Variants in SLC45A1 observed in about 807,000 individuals in gnomAD.
SLC45A1 encodes solute carrier family 45 member 1, also known as proton-associated sugar transporter A.
A neutral mutation model predicts 57.6 loss-of-function variants in SLC45A1; 28 were observed. The ratio of observed to expected loss-of-function variants is 0.49; its 90% CI spans 0.36 to 0.67. The LOEUF (loss-of-function observed/expected upper bound fraction) is 0.67. SLC45A1 is among the 30% of genes least tolerant of loss of function. The pLI is 0.00. For synonymous variants in SLC45A1, 459 were observed against 471.5 expected, an observed-to-expected ratio of 0.97 and a Z score of 0.34; for missense variants, 814 against 1,041.5, an observed-to-expected ratio of 0.78 and a Z score of 3.01.
At chr1:8,318,597 C>T (rs150014407) in intron 1 of SLC45A1, among the ~76,000 whole-genome samples, 67 of 152,340 alleles carry the variant, frequency 4.4e-4, no homozygotes, top group South Asian at 4.1e-4. Flanking sequence ...CGCCCCTCAG[C>T]ATCCCAGGGT....
chr1:8,340,670 C>T (rs1008042022), intron 8 of SLC45A1, among the ~76,000 whole-genome samples: 5 of 152,154 alleles, frequency 3.3e-5, no homozygotes, highest in Non-Finnish European at 7.3e-5. Flanking sequence ...CTCATGGCTT[C>T]CCATCAACCG....
At chr1:8,318,538 T>A (rs985197194) in intron 1 of SLC45A1, among the ~76,000 whole-genome samples, 5 of 152,196 alleles carry the variant, frequency 3.3e-5, no homozygotes, top group Non-Finnish European at 7.3e-5. Context: ...CGCTCCCGGC[T>A]CACCTCTTGC....
chr1:8,325,277 C>G lies in SLC45A1; in HGVS notation c.398-21C>G, dbSNP rs202086457. The G allele has an allele frequency of 2.0e-3, 3,082 of 1,579,252 alleles. 10 individuals are homozygous for G. Among genetic ancestry groups the G allele is most frequent in the Non-Finnish European group, 2.5e-3 (2,831 of 1,148,752 alleles). ...GTGCCATGGGGACCCTGGCAATGAC[C>G]GCTGGCCTGCTCTGTTTCAGGATTC... On this transcript the variant is annotated intron_variant, in intron 2 of 8. Coordinates refer to ENST00000471889, the MANE Select transcript of SLC45A1 (RefSeq NM_001080397.3). This position sits in a 1 kb window ranked among gnomAD's most constrained non-coding sequence, Gnocchi z 6.3.
At position 8,326,791 on chromosome 1, in the gene SLC45A1, C is replaced by T. The variant is rs1362223389; in HGVS notation, c.715+749C>T. On this transcript the variant is annotated intron_variant, in intron 4 of 8. Coordinates refer to ENST00000471889, the MANE Select transcript of SLC45A1 (RefSeq NM_001080397.3). This position sits in a 1 kb window ranked among gnomAD's most constrained non-coding sequence, Gnocchi z 5.5. ...GTCGGGAGTTCGAGACCAGCCTGAC[C>T]AACATGGAGAAACGACATCTCTACT... Among the ~76,000 whole-genome samples, 2 of 152,136 alleles carry T rather than the reference C, an allele frequency of 1.3e-5. No individual in the cohort carries two copies. The highest frequency in any genetic ancestry group is 3.8e-4 in the East Asian group (2 of 5,196).
chr1:8,330,435 A>G lies in SLC45A1; in HGVS notation c.942A>G (p.Pro314=), dbSNP rs1058619. 0.76 allele frequency: 1,220,683 copies of G among 1,611,188 alleles called. 463,707 individuals are homozygous for G. The highest frequency in any genetic ancestry group is 0.84 in the East Asian group (37,387 of 44,762). Residue 314 remains proline, a synonymous_variant, in exon 5 of 9, where the codon CCA becomes CCG. Transcript: ENST00000471889. This position sits in a 1 kb window ranked among gnomAD's most constrained non-coding sequence, Gnocchi z 8.4. ...CCAGCCTCCCGCTGCCCCCGTCCCC[A>G]CCCGTCCTGCCAGAGGAAGGCCCTG... The part of the protein sequence containing the change: ...KSPSLPLPPS[P]PVLPEEGPGD...
intron 1 of SLC45A1, among the ~76,000 whole-genome samples, chr1:8,320,649 G>C (rs139442905): frequency 1.4e-5 from 2 of 147,910 alleles, no homozygotes; most frequent in South Asian, 2.2e-4. Flanking sequence ...CTGTCTGTCT[G>C]TCTGTCTGTC....
At chr1:8,323,831 C>CCGCAACG (rs1392969978) in intron 1 of SLC45A1, among the ~76,000 whole-genome samples, 1 of 152,154 alleles carries the variant, frequency 6.6e-6, no homozygotes, top group African/African-American at 2.4e-5. Flanking sequence ...GGAGCTGTCC[C>CCGCAACG]CGCAACGCGA....
intron 7 of SLC45A1, among the ~76,000 whole-genome samples, chr1:8,338,311 G>A (rs370450238): frequency 6.2e-4 from 95 of 152,370 alleles, no homozygotes; most frequent in Middle Eastern, 3.4e-3. Context: ...CCCAGGCAGC[G>A]TGCTGTCCAC....
At chr1:8,340,068 C>T (rs1640762377) in intron 8 of SLC45A1, among the ~76,000 whole-genome samples, 1 of 152,158 alleles carries the variant, frequency 6.6e-6, no homozygotes, top group African/African-American at 2.4e-5. Flanking sequence ...GCTCGGAAAA[C>T]TCAGCAATCC....
At chr1:8,338,129 G>T in intron 7 of SLC45A1, 137 bp downstream of exon 7, 1 of 799,812 alleles carries the variant, frequency 1.3e-6, no homozygotes, top group Non-Finnish European at 1.9e-6. Context: ...TGTCTTTCCC[G>T]GCTGCAGGGC....
At chr1:8,319,809 T>G (rs1639943597) in intron 1 of SLC45A1, among the ~76,000 whole-genome samples, 1 of 152,094 alleles carries the variant, frequency 6.6e-6, no homozygotes, top group Non-Finnish European at 1.5e-5. Flanking sequence ...CTCCACCTCC[T>G]GGGTTCAAGC....
rs748362131 is a variant in SLC45A1 at position 8,330,314 on chromosome 1, C to T, written c.821C>T (p.Ala274Val). 2.9e-5 allele frequency: 47 copies of T among 1,613,562 alleles called. No homozygotes were observed. The highest frequency in any genetic ancestry group is 3.6e-5 in the Non-Finnish European group (42 of 1,179,988). ...GQLRVIYLFT[A>V]VTLSVTTVLT... ...CTCCGAGTCATTTACCTCTTCACTG[C>T]GGTCACCCTGAGCGTCACCACCGTC... Residue 274 changes from alanine (A) to valine (V), a missense_variant, in exon 5 of 9, where the codon GCG (alanine) becomes GTG (valine). Physicochemically the swap from Ala to Val is moderately conservative, Grantham distance 64 (BLOSUM62 0). Transcript: ENST00000471889. The surrounding 1 kb of genome is among the most constrained non-coding windows in gnomAD (Gnocchi z 8.4).
intron 1 of SLC45A1, among the ~76,000 whole-genome samples, chr1:8,322,079 A>G (rs2124285742): frequency 1.2e-5 from 1 of 81,076 alleles, no homozygotes; most frequent in Admixed American, 1.3e-4. Context: ...GGGTGGATTG[A>G]TAGGTACATG....
At chr1:8,336,182 CTGGTGGATCACGAGGT>C (rs983285512) in intron 6 of SLC45A1, 5 of 152,218 alleles carry the variant, frequency 3.3e-5, no homozygotes, top group African/African-American at 1.2e-4. Flanking sequence ...GAGGCCGAGG[CTGGTGGATCACGAGGT>C]AAGATGATTG....
Position 8,342,409 on chromosome 1 carries a change from C to T in SLC45A1, c.1981-1338C>T, listed in dbSNP as rs142634227. Among the ~76,000 whole-genome samples, 331 of 152,248 alleles carry T rather than the reference C, an allele frequency of 2.2e-3. 1 individual carries two copies. Among genetic ancestry groups the T allele is most frequent in the Non-Finnish European group, 3.8e-3 (257 of 68,002 alleles). On this transcript the variant is annotated intron_variant, in intron 8 of 8. Transcript: ENST00000471889. ...AGTTTTGTCACCCCAGGAAGAAACC[C>T]GTCAGCCATCACCCCTCTGACCCTC...
Position 8,339,529 on chromosome 1 carries a change from G to A in SLC45A1, c.1811G>A (p.Arg604His), listed in dbSNP as rs199773852. Residue 604 changes from arginine (R) to histidine (H), a missense_variant, in exon 8 of 9, where the codon CGC (arginine) becomes CAC (histidine). By Grantham distance (29) the Arg-to-His change is conservative (BLOSUM62 0). Transcript: ENST00000471889. ...AAGCTGGAGGAGTTCCTCAGCGTCC[G>A]CACCCTCTACTTCATCGCCTATCTC... ...LEKLEEFLSV[R>H]TLYFIAYLAF... The A allele has an allele frequency of 7.4e-6, 12 of 1,614,174 alleles. No homozygotes were observed. The Admixed American group carries it at 8.3e-5, about 11-fold the overall frequency.
At chr1:8,318,508 T>C (rs1228521485) in intron 1 of SLC45A1, among the ~76,000 whole-genome samples, 1 of 152,192 alleles carries the variant, frequency 6.6e-6, no homozygotes, top group Admixed American at 6.5e-5. Flanking sequence ...TGGTCCCTAG[T>C]CACCTGGGCA....
At chr1:8,337,060 A>T (rs1640635219) in intron 6 of SLC45A1, among the ~76,000 whole-genome samples, 1 of 152,242 alleles carries the variant, frequency 6.6e-6, no homozygotes, top group Non-Finnish European at 1.5e-5. Flanking sequence ...CGCTGCTAAT[A>T]AAGACATACA....
Position 8,327,582 on chromosome 1 carries a change from G to A in SLC45A1, c.715+1540G>A, listed in dbSNP as rs1640240824. Among the ~76,000 whole-genome samples the A allele has an allele frequency of 6.6e-6, 1 of 152,182 alleles. No homozygotes were observed. The highest frequency in any genetic ancestry group is 1.5e-5 in the Non-Finnish European group (1 of 68,030). The stretch of plus-strand genomic sequence containing the variant: ...AACACTTCGGGAGGCTAAGCCAGGA[G>A]GATTGCTTGAGTTCAGGAGTTTGAA... On this transcript the variant is annotated intron_variant, in intron 4 of 8. Coordinates refer to ENST00000471889, the MANE Select transcript of SLC45A1 (RefSeq NM_001080397.3). The surrounding 1 kb of genome is among the most constrained non-coding windows in gnomAD (Gnocchi z 4.3).
Sources: allele counts gnomAD v4.1 joint callset (sites outside exome capture counted in the v4.1 genomes callset), GRCh38; gene constraint gnomAD v4.1.1; non-coding constraint Gnocchi (gnomAD v3.1); transcripts MANE v1.5; gene names NCBI Gene and HGNC (gene_info 2026-07-23, HGNC 2026-07-21).